Variants in CFAP47 observed in about 807,000 individuals in gnomAD.
CFAP47 encodes cilia- and flagella-associated protein 47.
CFAP47 carries 29 observed loss-of-function variants against 148.1 expected under a neutral mutation model. That is an observed-to-expected ratio of 0.20 (90% CI 0.15 to 0.27). CFAP47 has a LOEUF of 0.27. CFAP47 is among the 10% of genes least tolerant of loss of function. The probability of loss-of-function intolerance (pLI) is 1.00; values close to 1 mark genes in which losing one functional copy is unlikely to be tolerated. For missense variants in CFAP47, 1,872 were observed against 1,697.5 expected (o/e 1.10, Z -1.81); for synonymous variants, 664 against 577.3 (o/e 1.15, Z -2.15).
chrX:36,141,059 ATTT>A (rs34667862), intron 35 of CFAP47, among the ~76,000 whole-genome samples: 16 of 91,891 alleles, frequency 1.7e-4, no homozygotes, highest in African/African-American at 6.8e-4. Flanking sequence ...TTGTCCTTAA[ATTT>A]TTTTTTTTTT....
At chrX:36,020,565 T>C (rs1050956766) in intron 22 of CFAP47, among the ~76,000 whole-genome samples, 2 of 112,197 alleles carry the variant, frequency 1.8e-5, no homozygotes, top group African/African-American at 3.2e-5. Context: ...CTTGCTGAAT[T>C]GACTCCTTTA....
intron 62 of CFAP47, among the ~76,000 whole-genome samples, chrX:36,371,821 T>C (rs1602133840): frequency 1.3e-5 from 1 of 74,361 alleles, no homozygotes; most frequent in Non-Finnish European, 2.5e-5. Flanking sequence ...TATGTGTGCA[T>C]ATACACACAT....
At position 35,986,038 on chromosome X, in the gene CFAP47, C is replaced by T. The variant is rs756878008; in HGVS notation, c.2714-3281C>T. 104 of 238,181 alleles carry T rather than the reference C, an allele frequency of 4.4e-4. 1 individual carries two copies. The highest frequency in any genetic ancestry group is 2.1e-3 in the South Asian group (42 of 20,005). The allele number at this position is 238,181 out of a possible 1,213,427, so 19.6% of individuals were successfully genotyped here. A position where few individuals can be genotyped will look rare whatever the true frequency, so the allele number is the denominator to read the frequency against. ...GCCCATGGTCTCAGGTAGTAAGTGC[C>T]GGTTCTGAAATTTGAACTAGGAAGA... On this transcript the variant is annotated intron_variant, in intron 15 of 63. Coordinates refer to ENST00000378653, the MANE Select transcript of CFAP47 (RefSeq NM_001304548.2).
intron 21 of CFAP47, among the ~76,000 whole-genome samples, chrX:36,008,370 T>A (rs1489428512): frequency 9.0e-6 from 1 of 111,413 alleles, no homozygotes; most frequent in Non-Finnish European, 1.9e-5. Flanking sequence ...AGCACTGTTT[T>A]TTAAAATAGC....
intron 49 of CFAP47, among the ~76,000 whole-genome samples, chrX:36,273,694 T>C (rs373728442): frequency 9.0e-6 from 1 of 111,512 alleles, no homozygotes; most frequent in African/African-American, 3.2e-5. Flanking sequence ...AAAAAAGTTA[T>C]CATGTTTTGG....
chrX:36,071,788 A>G (rs1276600593), intron 27 of CFAP47, 37 bp from the exon 28 acceptor site: 1 of 1,156,744 alleles, frequency 8.6e-7, no homozygotes, highest in Non-Finnish European at 1.2e-6. Flanking sequence ...ACGTGAATGC[A>G]TGTTTTGCTT....
chrX:35,959,125 A>C (rs181795316), intron 8 of CFAP47, among the ~76,000 whole-genome samples: 4 of 112,536 alleles, frequency 3.6e-5, no homozygotes, highest in African/African-American at 1.3e-4. Context: ...TGACAAGTGT[A>C]AGATAAGAAA....
chrX:36,083,298 CAT>C (rs1385446219), intron 29 of CFAP47, among the ~76,000 whole-genome samples: 44 of 109,723 alleles, frequency 4.0e-4, no homozygotes, highest in African/African-American at 1.4e-3. Context: ...TATGTATACA[CAT>C]ATATGTGTAT....
chrX:36,104,703 T>A lies in CFAP47; in HGVS notation c.5320+12T>A. On this transcript the variant is annotated intron_variant, in intron 33 of 63. Transcript: ENST00000378653. ...AAACTGTCACAAAGGTGAGAAGTGA[T>A]ATTTTTCTTTAAACAAATTATTGCA... The A allele has an allele frequency of 1.6e-6, 1 of 641,607 alleles. No homozygotes were observed. The highest frequency in any genetic ancestry group is 2.3e-6 in the Non-Finnish European group (1 of 426,582). The allele number at this position is 641,607 out of a possible 1,213,427, so 52.9% of individuals were successfully genotyped here.
chrX:36,096,990 T>G (rs1726912275), intron 30 of CFAP47, among the ~76,000 whole-genome samples: 1 of 111,430 alleles, frequency 9.0e-6, no homozygotes, highest in South Asian at 3.7e-4. Flanking sequence ...TTTTTGTGTA[T>G]CTGTCATATG....
chrX:36,069,468 A>G (rs1937706312), intron 27 of CFAP47, among the ~76,000 whole-genome samples: 1 of 111,837 alleles, frequency 8.9e-6, no homozygotes. Flanking sequence ...TATTAAGCAT[A>G]AAGTCTATGT....
At chrX:36,268,991 T>A (rs1556001459) in intron 49 of CFAP47, among the ~76,000 whole-genome samples, 1 of 112,175 alleles carries the variant, frequency 8.9e-6, no homozygotes, top group Admixed American at 9.5e-5. Context: ...ATTCTGAACC[T>A]TTAGAAGAAT....
At chrX:36,094,298 G>A (rs1331416854) in intron 30 of CFAP47, among the ~76,000 whole-genome samples, 1 of 111,060 alleles carries the variant, frequency 9.0e-6, no homozygotes, top group Non-Finnish European at 1.9e-5. Context: ...TTTGAAATCA[G>A]GTAAAGTGAT....
At chrX:36,284,110 C>A (rs1408298831) in intron 50 of CFAP47, among the ~76,000 whole-genome samples, 1 of 111,810 alleles carries the variant, frequency 8.9e-6, no homozygotes, top group African/African-American at 3.2e-5. Context: ...GTCATAAAAG[C>A]ACTTAAAGTG....
intron 49 of CFAP47, among the ~76,000 whole-genome samples, chrX:36,269,430 A>G (rs1170901648): frequency 7.1e-5 from 8 of 112,166 alleles, no homozygotes; most frequent in African/African-American, 2.6e-4. Context: ...TGGATGTATA[A>G]ATATGGTGGC....
At chrX:35,994,044 C>A (rs1410006761) in intron 18 of CFAP47, among the ~76,000 whole-genome samples, 2 of 111,033 alleles carry the variant, frequency 1.8e-5, no homozygotes, top group Non-Finnish European at 3.8e-5. Flanking sequence ...AGGCAGATCA[C>A]AAGGTCAGGA....
intron 33 of CFAP47, among the ~76,000 whole-genome samples, chrX:36,121,059 T>G (rs1432244647): frequency 1.8e-5 from 2 of 111,789 alleles, no homozygotes; most frequent in Non-Finnish European, 3.8e-5. Context: ...TTGGTGCATA[T>G]ATACTTACAA....
intron 22 of CFAP47, among the ~76,000 whole-genome samples, chrX:36,015,923 G>A (rs963565255): frequency 9.0e-6 from 1 of 111,234 alleles, no homozygotes; most frequent in Admixed American, 9.6e-5. Context: ...CATCCCTTTT[G>A]TTAATGTATT....
chrX:35,948,064 C>T (rs1449804739), intron 3 of CFAP47, among the ~76,000 whole-genome samples: 2 of 111,719 alleles, frequency 1.8e-5, no homozygotes, highest in African/African-American at 6.5e-5. Context: ...TTTTGGGCCA[C>T]ACATCAAATA....
Sources: gnomAD v4.1 joint callset for allele counts (sites outside exome capture counted in the v4.1 genomes callset) on GRCh38, gnomAD v4.1.1 for gene constraint, MANE v1.5 for transcripts, NCBI Gene and HGNC (gene_info 2026-07-23, HGNC 2026-07-21) for gene names.